Variants in NAA16 observed in about 807,000 individuals in gnomAD.
The protein encoded by NAA16 is N-alpha-acetyltransferase 16, NatA auxiliary subunit.
Under a neutral mutation model 110.3 loss-of-function variants are expected in NAA16, and 97 were observed. The ratio of observed to expected loss-of-function variants is 0.88; its 90% CI spans 0.75 to 1.04. NAA16 has a LOEUF of 1.04. Ranked by LOEUF, NAA16 falls within the 50% of genes least tolerant of loss-of-function variation. The probability of loss-of-function intolerance (pLI) is 0.00; values close to 1 mark genes in which losing one functional copy is unlikely to be tolerated. For missense variants in NAA16, 1,017 were observed against 1,005.1 expected (o/e 1.01, Z -0.16); for synonymous variants, 372 against 330.6 (o/e 1.13, Z -1.36).
In NAA16 at chr13:41,373,775, T is replaced by C; in HGVS notation, c.2294T>C (p.Leu765Pro). 6.3e-6 allele frequency: 10 copies of C among 1,594,676 alleles called. No homozygotes were observed. Among genetic ancestry groups the C allele is most frequent in the Non-Finnish European group, 8.5e-6 (10 of 1,174,176 alleles). Residue 765 changes from leucine (L) to proline (P), a missense_variant, in exon 18 of 20, where the codon CTT (leucine) becomes CCT (proline). Transcript: ENST00000379406. Reference sequence around the variant, plus strand: ...AACGCTACCTCTCTTCAGCATCTACTTTCAGGTTTGTTTGTAGCCCCCAGG... The same window carrying C: ...AACGCTACCTCTCTTCAGCATCTACCTTCAGGTTTGTTTGTAGCCCCCAGG... ...KRNATSLQHLLSGAKMMYFLD... is the reference protein window; with the variant it reads ...KRNATSLQHLPSGAKMMYFLD...
rs1332255300 is a variant in NAA16 at position 41,376,583 on chromosome 13, A to G, written c.*981A>G. 1 of 152,210 alleles carries G rather than the reference A, an allele frequency of 6.6e-6. No individual in the cohort carries two copies. Among genetic ancestry groups the G allele is most frequent in the Non-Finnish European group, 1.5e-5 (1 of 68,044 alleles). The allele number at this position is 152,210 out of a possible 1,614,324, so 9.4% of individuals were successfully genotyped here. ...CTTAACTAAGTTACTTTGAGTATTA[A>G]CAAGTAGCTTATACTGAGGTGTGCT... On this transcript the variant is annotated 3_prime_UTR_variant, in exon 20 of 20. Transcript: ENST00000379406.
Position 41,375,518 on chromosome 13 carries a change from C to T in NAA16, c.2511C>T (p.Phe837=). ...CHNLLPFTSA[F]LPAVNEVDNP... ...ACCTGCTTCCTTTTACATCTGCCTT[C>T]TTGCCTGCTGTGAATGAAGTCGACA... The change falls in exon 20 of 20, where the codon TTC becomes TTT. Residue 837 remains phenylalanine, a synonymous_variant. Coordinates refer to ENST00000379406, the MANE Select transcript of NAA16 (RefSeq NM_024561.5). The T allele has an allele frequency of 3.7e-6, 6 of 1,614,088 alleles. No individual in the cohort carries two copies. The highest frequency in any genetic ancestry group is 5.1e-6 in the Non-Finnish European group (6 of 1,179,978).
chr13:41,369,300 T>C lies in NAA16; in HGVS notation c.1947+17T>C. The C allele has an allele frequency of 6.6e-7, 1 of 1,514,818 alleles. No individual in the cohort carries two copies. Among genetic ancestry groups the C allele is most frequent in the African/African-American group, 1.4e-5 (1 of 70,760 alleles). The allele number at this position is 1,514,818 out of a possible 1,614,324, so 93.8% of individuals were successfully genotyped here. A position where few individuals can be genotyped will look rare whatever the true frequency, so the allele number is the denominator to read the frequency against. On this transcript the variant is annotated intron_variant, in intron 15 of 19. Transcript: ENST00000379406. Reference sequence around the variant, plus strand: ...TTAGAAAGGGTGAGATGGGTTTTACTATCTTTGTTATTTGGTAAAATTTAT... The same window carrying C: ...TTAGAAAGGGTGAGATGGGTTTTACCATCTTTGTTATTTGGTAAAATTTAT...
At chr13:41,326,905 C>T (rs962495371) in intron 6 of NAA16, among the ~76,000 whole-genome samples, 3 of 152,150 alleles carry the variant, frequency 2.0e-5, no homozygotes, top group Non-Finnish European at 2.9e-5. Context: ...CTGCCCTAAA[C>T]ATCCTTTGTT....
intron 9 of NAA16, among the ~76,000 whole-genome samples, chr13:41,346,234 A>G (rs2042677891): frequency 6.6e-6 from 1 of 152,176 alleles, no homozygotes; most frequent in African/African-American, 2.4e-5. Context: ...CGTTGAAGAG[A>G]CTCTTCTTTC....
chr13:41,334,208 G>A (rs1028881437), intron 8 of NAA16, among the ~76,000 whole-genome samples: 4 of 152,126 alleles, frequency 2.6e-5, no homozygotes, highest in African/African-American at 9.7e-5. Context: ...AATGCAAGGT[G>A]AAAGTTTTGA....
At chr13:41,329,842 A>G (rs930615921) in intron 7 of NAA16, among the ~76,000 whole-genome samples, 2 of 152,026 alleles carry the variant, frequency 1.3e-5, no homozygotes, top group Non-Finnish European at 2.9e-5. Context: ...ATGTTTTACT[A>G]AAATGAATAA....
intron 9 of NAA16, among the ~76,000 whole-genome samples, chr13:41,340,949 G>A (rs369378928): frequency 2.6e-5 from 4 of 152,244 alleles, no homozygotes; most frequent in African/African-American, 7.2e-5. Flanking sequence ...TTACAGGCGT[G>A]AGCCACCGCG....
At chr13:41,375,246 G>C (rs1184344886) in intron 19 of NAA16, among the ~76,000 whole-genome samples, 159 bp from the exon 20 acceptor site, 1 of 152,110 alleles carries the variant, frequency 6.6e-6, no homozygotes, top group Non-Finnish European at 1.5e-5. Context: ...TTTTTAATGT[G>C]CCTTTTTTGA....
chr13:41,313,727 T>C (rs955208006), intron 1 of NAA16, among the ~76,000 whole-genome samples: 8 of 152,210 alleles, frequency 5.3e-5, no homozygotes, highest in Admixed American at 2.6e-4. Context: ...TTCCATGCCC[T>C]CTTTTAGAAA....
chr13:41,343,117 G>A (rs1036729679), intron 9 of NAA16, among the ~76,000 whole-genome samples: 1 of 152,138 alleles, frequency 6.6e-6, no homozygotes, highest in Non-Finnish European at 1.5e-5. Flanking sequence ...TTATAAATAA[G>A]TGAAATAGCA....
At position 41,372,325 on chromosome 13, in the gene NAA16, T is replaced by G. The variant is rs759901034; in HGVS notation, c.2056+14T>G. 36 of 1,558,782 alleles carry G rather than the reference T, an allele frequency of 2.3e-5. No homozygotes were observed. In the South Asian group the frequency reaches 4.3e-4, roughly 19 times the overall value. On this transcript the variant is annotated intron_variant, in intron 16 of 19. Transcript: ENST00000379406. Reference sequence around the variant, plus strand: ...ATTTTAGAAAAGGTAATAAATAGTTTGAGTTCAGTTTTTAATCTTTAATTA... The same window carrying G: ...ATTTTAGAAAAGGTAATAAATAGTTGGAGTTCAGTTTTTAATCTTTAATTA...
At chr13:41,347,319 CTA>C (rs928220073) in intron 9 of NAA16, among the ~76,000 whole-genome samples, 6 of 151,414 alleles carry the variant, frequency 4.0e-5, no homozygotes, top group Middle Eastern at 3.4e-3. Context: ...TTTTTCAAGA[CTA>C]TTTTGGTTAT....
At chr13:41,368,187 A>G (rs1343109511) in intron 14 of NAA16, among the ~76,000 whole-genome samples, 1 of 152,162 alleles carries the variant, frequency 6.6e-6, no homozygotes, top group Non-Finnish European at 1.5e-5. Flanking sequence ...CTTTATTAAA[A>G]ATAAGAATAT....
In NAA16 at chr13:41,367,584, T is replaced by C. The variant is rs2043231881; in HGVS notation, c.1685T>C (p.Ile562Thr). 1.2e-6 allele frequency: 2 copies of C among 1,613,244 alleles called. No homozygotes were observed. The highest frequency in any genetic ancestry group is 1.3e-5 in the African/African-American group (1 of 74,884). ...TATTTCAAGGCTGCTAGATCAGCGA[T>C]TGAAATATACTTGAAATTGTATGAT... The part of the protein sequence containing the change: ...AFYFKAARSA[I>T]EIYLKLYDNP... Residue 562 changes from isoleucine (I) to threonine (T), a missense_variant, in exon 14 of 20, where the codon ATT becomes ACT. By Grantham distance (89) the Ile-to-Thr change is moderately conservative (BLOSUM62 -1). Transcript: ENST00000379406.
chr13:41,372,433 T>A, intron 16 of NAA16, 122 bp downstream of exon 16: 16 of 1,354,622 alleles, frequency 1.2e-5, no homozygotes, highest in Non-Finnish European at 1.5e-5. Context: ...ACAAAGGCTC[T>A]TTTCCTTGGC....
At chr13:41,352,513 G>C (rs1009435583) in intron 9 of NAA16, among the ~76,000 whole-genome samples, 2 of 151,834 alleles carry the variant, frequency 1.3e-5, no homozygotes, top group Admixed American at 1.3e-4. Context: ...AAATTAGCCA[G>C]GCATGGTGGT....
rs1297594442 is a variant in NAA16, at chr13:41,311,352, C to G, written c.-177C>G. 4.9e-6 allele frequency: 3 copies of G among 613,438 alleles called. No homozygotes were observed. Among genetic ancestry groups the G allele is most frequent in the Non-Finnish European group, 8.5e-6 (3 of 350,964 alleles). 38.0% of individuals were successfully genotyped at this position (613,438 alleles called of 1,614,324 possible). On this transcript the variant is annotated 5_prime_UTR_variant, in exon 1 of 20. Coordinates refer to ENST00000379406, the MANE Select transcript of NAA16 (RefSeq NM_024561.5). The stretch of plus-strand genomic sequence containing the variant: ...GTCCTGCTCAGACCGCCTTCCTTCT[C>G]CATTGCCACCCGTGCCGAACAGCCA...
intron 10 of NAA16, among the ~76,000 whole-genome samples, chr13:41,357,794 G>A (rs1051739403): frequency 6.6e-6 from 1 of 152,168 alleles, no homozygotes; most frequent in Non-Finnish European, 1.5e-5. Context: ...GTTTTTGTCA[G>A]ATGGTAGGGT....
Sources: gnomAD v4.1 joint callset for allele counts (sites outside exome capture counted in the v4.1 genomes callset) on GRCh38, gnomAD v4.1.1 for gene constraint, MANE v1.5 for transcripts, NCBI Gene and HGNC (gene_info 2026-07-23, HGNC 2026-07-21) for gene names.